The following SAMD5 variants were observed in gnomAD, a reference collection of about 807,000 sequenced individuals.
SAMD5 encodes sterile alpha motif domain containing 5.
SAMD5 carries 13 observed loss-of-function variants against 11.3 expected under a neutral mutation model. The ratio of observed to expected loss-of-function variants is 1.15; its 90% CI spans 0.75 to 1.83. SAMD5 has a LOEUF of 1.83. Among genes scored for constraint, SAMD5 ranks in the 40% most tolerant of loss-of-function variants. The pLI, the probability that SAMD5 is intolerant of heterozygous loss-of-function variation, is 0.00. For missense variants in SAMD5, 255 were observed against 239.1 expected (o/e 1.07, Z -0.44); for synonymous variants, 129 against 111.3 (o/e 1.16, Z -1.00).
chr6:147,525,078 G>A (rs1788316035), intron 1 of SAMD5, among the ~76,000 whole-genome samples: 1 of 151,730 alleles, frequency 6.6e-6, no homozygotes, highest in Non-Finnish European at 1.5e-5. Flanking sequence ...ATAAGATTTG[G>A]CAACTGTCTG....
chr6:147,640,520 A>AAAAAAAAC, intron 1 of SAMD5, among the ~76,000 whole-genome samples: 1 of 149,838 alleles, frequency 6.7e-6, no homozygotes, highest in African/African-American at 2.5e-5. Flanking sequence ...AAAAAAAAAA[A>AAAAAAAAC]AAGAATAACA....
the SAMD5 span, among the ~76,000 whole-genome samples, chr6:147,816,301 A>AAAAAAAAAAAAAAAAAAAAACATATAT: frequency 1.5e-5 from 1 of 66,362 alleles, no homozygotes; most frequent in Non-Finnish European, 2.4e-5. Context: ...AAAAAAAAAA[A>AAAAAAAAAAAAAAAAAAAAACATATAT]ATATATATAT....
the SAMD5 span, among the ~76,000 whole-genome samples, chr6:147,847,420 A>G: frequency 1.3e-5 from 2 of 152,244 alleles, no homozygotes; most frequent in African/African-American, 2.4e-5. Context: ...AAACTTTAAA[A>G]AAAACCCACC....
intron 1 of SAMD5, among the ~76,000 whole-genome samples, chr6:147,577,032 C>T (rs138984691): frequency 1.3e-5 from 2 of 152,304 alleles, no homozygotes; most frequent in African/African-American, 4.8e-5. Flanking sequence ...GATTGATAAT[C>T]CTCATTTTTT....
intron 1 of SAMD5, among the ~76,000 whole-genome samples, chr6:147,549,046 T>G (rs1788727667): frequency 2.6e-5 from 4 of 152,156 alleles, no homozygotes; most frequent in Admixed American, 2.0e-4. Flanking sequence ...GCAGTGATCC[T>G]GGAGTGAAGA....
intron 1 of SAMD5, among the ~76,000 whole-genome samples, chr6:147,674,485 G>A (rs1425055427): frequency 6.6e-6 from 1 of 152,056 alleles, no homozygotes; most frequent in African/African-American, 2.4e-5. Context: ...CTAAAATCTG[G>A]CGGGCATTCT....
chr6:147,741,006 A>G (rs913608146), downstream of SAMD5, among the ~76,000 whole-genome samples: 1 of 152,224 alleles, frequency 6.6e-6, no homozygotes. Context: ...TTTAATTTTT[A>G]AAACAAGAGA....
chr6:147,914,456 A>C, the SAMD5 span, among the ~76,000 whole-genome samples: 1 of 152,166 alleles, frequency 6.6e-6, no homozygotes, highest in South Asian at 2.1e-4. Flanking sequence ...AATTACACAG[A>C]ATTGGAAAAA....
intron 1 of SAMD5, among the ~76,000 whole-genome samples, chr6:147,576,476 T>C (rs557392090): frequency 1.3e-5 from 2 of 152,302 alleles, no homozygotes; most frequent in Non-Finnish European, 2.9e-5. Context: ...CAGGAGCTTT[T>C]AGACTTCCAT....
intron 1 of SAMD5, among the ~76,000 whole-genome samples, chr6:147,695,106 T>G (rs1262234460): frequency 6.6e-6 from 1 of 152,188 alleles, no homozygotes. Context: ...GGTTACTCCA[T>G]GAAAGTCACA....
chr6:147,802,081 G>C, the SAMD5 span, among the ~76,000 whole-genome samples: 1 of 152,242 alleles, frequency 6.6e-6, no homozygotes, highest in East Asian at 1.9e-4. Flanking sequence ...AAAATTAAAT[G>C]TCCTGTTCAT....
chr6:147,598,370 C>T (rs1562329896), intron 1 of SAMD5, among the ~76,000 whole-genome samples: 1 of 152,112 alleles, frequency 6.6e-6, no homozygotes, highest in Non-Finnish European at 1.5e-5. Flanking sequence ...GTGACATGCC[C>T]GCTTCACCCT....
chr6:147,573,460 C>T (rs377204495), downstream of SAMD5, among the ~76,000 whole-genome samples: 301 of 152,234 alleles, frequency 2.0e-3, 1 homozygote, highest in African/African-American at 5.7e-3. Context: ...TCAGGGAAAC[C>T]GCCTCCATGA....
At chr6:147,668,340 ACT>A (rs1790749986) in intron 1 of SAMD5, among the ~76,000 whole-genome samples, 1 of 152,154 alleles carries the variant, frequency 6.6e-6, no homozygotes, top group African/African-American at 2.4e-5. Context: ...AATACATAAG[ACT>A]CTACCACATT....
intron 1 of SAMD5, among the ~76,000 whole-genome samples, chr6:147,664,243 C>A (rs920444856): frequency 1.3e-5 from 2 of 152,090 alleles, no homozygotes; most frequent in African/African-American, 2.4e-5. Context: ...TTTCCACTAC[C>A]CTTTCAGAGA....
chr6:147,863,592 C>G, the SAMD5 span, among the ~76,000 whole-genome samples: 2 of 151,926 alleles, frequency 1.3e-5, no homozygotes, highest in African/African-American at 4.8e-5. Context: ...CCCCGACCCC[C>G]TTTTCTCCCC....
At chr6:147,865,236 A>ACG in the SAMD5 span, among the ~76,000 whole-genome samples, 17 of 150,478 alleles carry the variant, frequency 1.1e-4, no homozygotes, top group African/African-American at 3.7e-4. Flanking sequence ...ACAGACTGTG[A>ACG]TGTGTGTGTG....
At chr6:147,788,539 T>C in the SAMD5 span, among the ~76,000 whole-genome samples, 1 of 152,238 alleles carries the variant, frequency 6.6e-6, no homozygotes, top group Non-Finnish European at 1.5e-5. Flanking sequence ...TCTGTGCTTG[T>C]ACCTGCAAGA....
the SAMD5 span, among the ~76,000 whole-genome samples, chr6:147,952,156 A>C: frequency 6.6e-6 from 1 of 152,158 alleles, no homozygotes; most frequent in Non-Finnish European, 1.5e-5. Flanking sequence ...ATGAATGCCA[A>C]ATCGGTGCTT....
Sources: allele counts gnomAD v4.1 joint callset (sites outside exome capture counted in the v4.1 genomes callset), GRCh38; gene constraint gnomAD v4.1.1; transcripts MANE v1.5; gene names NCBI Gene and HGNC (gene_info 2026-07-23, HGNC 2026-07-21).